DOHH: variants seen among roughly 807,000 people sequenced by gnomAD.
DOHH encodes HEAT-like (PBS lyase) repeat containing 1.
DOHH carries 16 observed loss-of-function variants against 19.9 expected under a neutral mutation model. The observed-to-expected ratio is 0.80, with a 90% CI of 0.54 to 1.22. The LOEUF (loss-of-function observed/expected upper bound fraction) is 1.22. Ranked by LOEUF, DOHH falls within the 50% of genes most tolerant of loss-of-function variation. DOHH has a pLI of 0.00. For missense variants in DOHH, 460 were observed against 460.6 expected (o/e 1.00, Z 0.01); for synonymous variants, 233 against 217.0 (o/e 1.07, Z -0.65).
At position 3,496,421 on chromosome 19, in the gene DOHH, T is replaced by A; in HGVS notation, c.274+120A>T. ...AGAGCTGCAGGTATTTACTATCTGG[T>A]GCTCTATGGGGCAGTTGACCACTCT... On this transcript the variant is annotated intron_variant, in intron 2 of 4. Coordinates refer to ENST00000427575, the MANE Select transcript of DOHH (RefSeq NM_001145165.2). The surrounding 1 kb of genome is among the most constrained non-coding windows in gnomAD (Gnocchi z 4.8). 7.1e-7 allele frequency: 1 copy of A among 1,412,470 alleles called. No individual in the cohort carries two copies. Among genetic ancestry groups the A allele is most frequent in the Admixed American group, 2.0e-5 (1 of 49,538 alleles). 87.5% of individuals were successfully genotyped at this position (1,412,470 alleles called of 1,614,324 possible). A position where few individuals can be genotyped will look rare whatever the true frequency, so the allele number is the denominator to read the frequency against.
chr19:3,496,406 G>A lies in DOHH; in HGVS notation c.274+135C>T, dbSNP rs1456554207. On this transcript the variant is annotated intron_variant, in intron 2 of 4. Coordinates refer to ENST00000427575, the MANE Select transcript of DOHH (RefSeq NM_001145165.2). This position sits in a 1 kb window ranked among gnomAD's most constrained non-coding sequence, Gnocchi z 4.8. ...TCGCTGTCTGGCTGCAGAGCTGCAGGTATTTACTATCTGGTGCTCTATGGG... is the reference window on the plus strand; with the variant it reads ...TCGCTGTCTGGCTGCAGAGCTGCAGATATTTACTATCTGGTGCTCTATGGG... 2.3e-6 allele frequency: 3 copies of A among 1,304,526 alleles called. No individual in the cohort carries two copies. The highest frequency in any genetic ancestry group is 3.2e-6 in the Non-Finnish European group (3 of 949,822). 80.8% of individuals were successfully genotyped at this position (1,304,526 alleles called of 1,614,324 possible).
chr19:3,494,945 C>A (rs1213355415), intron 2 of DOHH, among the ~76,000 whole-genome samples: 1 of 152,082 alleles, frequency 6.6e-6, no homozygotes, highest in Non-Finnish European at 1.5e-5. Context: ...CACTGGTCTC[C>A]TTCGCTGTCT....
Position 3,500,337 on chromosome 19 carries a change from T to C in DOHH, c.-73+224A>G, listed in dbSNP as rs192297964. 1.4e-3 allele frequency among the ~76,000 whole-genome samples: 210 copies of C among 152,190 alleles called. 3 individuals carry two copies. The highest frequency in any genetic ancestry group is 4.6e-3 in the African/African-American group (190 of 41,532). ...CGAGCTGGCAGGGCACTGGGGACCA[T>C]TGAGACCCAACCGTACGACATAGGA... On this transcript the variant is annotated intron_variant, in intron 1 of 4. Transcript: ENST00000427575.
intron 3 of DOHH, among the ~76,000 whole-genome samples, chr19:3,493,343 GC>G (rs2082884709): frequency 2.0e-5 from 3 of 152,172 alleles, no homozygotes; most frequent in Admixed American, 2.0e-4. Flanking sequence ...AGGCGCGGTG[GC>G]TCACGCCTGT....
chr19:3,498,580 T>C (rs2082927062), intron 1 of DOHH, among the ~76,000 whole-genome samples: 1 of 152,052 alleles, frequency 6.6e-6, no homozygotes, highest in Non-Finnish European at 1.5e-5. Context: ...TAATTTTGTA[T>C]TTTTAGTAGA....
In DOHH at chr19:3,496,464, T is replaced by G; in HGVS notation, c.274+77A>C. 1.9e-6 allele frequency: 3 copies of G among 1,544,838 alleles called. No homozygotes were observed. Among genetic ancestry groups the G allele is most frequent in the Non-Finnish European group, 2.6e-6 (3 of 1,145,644 alleles). ...ACCACTCTGATATTTATCACCTGAGTGAGGAAGGGGACACGTGGGGTCATG... is the reference window on the plus strand; with the variant it reads ...ACCACTCTGATATTTATCACCTGAGGGAGGAAGGGGACACGTGGGGTCATG... On this transcript the variant is annotated intron_variant, in intron 2 of 4. Transcript: ENST00000427575. The surrounding 1 kb of genome is among the most constrained non-coding windows in gnomAD (Gnocchi z 4.8).
Position 3,491,651 on chromosome 19 carries a change from G to A in DOHH, c.750C>T (p.Ala250=), listed in dbSNP as rs1466646749. Residue 250 remains alanine (A), a synonymous_variant, in exon 5 of 5, where the codon GCC becomes GCT. Transcript: ENST00000427575. The surrounding 1 kb of genome is among the most constrained non-coding windows in gnomAD (Gnocchi z 5.6). ...GCAGCGCGGCCAGGCAGGCGGGCCG[G>A]GCAATGGCGCCCAGGGCCTCCGCGC... ...HECAEALGAI[A]RPACLAALQA... 5.9e-6 allele frequency: 9 copies of A among 1,534,888 alleles called. No homozygotes were observed. The highest frequency in any genetic ancestry group is 1.4e-5 in the African/African-American group (1 of 72,800).
chr19:3,499,570 C>T (rs1397461864), intron 1 of DOHH, among the ~76,000 whole-genome samples: 1 of 152,188 alleles, frequency 6.6e-6, no homozygotes, highest in African/African-American at 2.4e-5. Context: ...TTCAGGAGTT[C>T]GAGACCAGCT....
intron 3 of DOHH, 123 bp from the exon 4 acceptor site, chr19:3,492,622 C>T (rs2082879650): frequency 1.2e-6 from 1 of 803,822 alleles, no homozygotes; most frequent in Non-Finnish European, 1.8e-6. Context: ...ACCCATCATT[C>T]CAGGCAGGAA....
rs969580473 is a variant in DOHH at position 3,491,805 on chromosome 19, T to G, written c.596A>C (p.His199Pro). Residue 199 changes from histidine (H) to proline (P), a missense_variant, in exon 5 of 5, where the codon CAC (histidine) becomes CCC (proline). By Grantham distance (77) the His-to-Pro change is moderately conservative (BLOSUM62 -2). Coordinates refer to ENST00000427575, the MANE Select transcript of DOHH (RefSeq NM_001145165.2). The surrounding 1 kb of genome is among the most constrained non-coding windows in gnomAD (Gnocchi z 5.6). ...GTGGCGGAAGAGGGCGCTCCCACAGTGCAGACCTGCAGGGGAGAGGGACAC... is the reference window on the plus strand; with the variant it reads ...GTGGCGGAAGAGGGCGCTCCCACAGGGCAGACCTGCAGGGGAGAGGGACAC... ...EAALALAEGL[H>P]CGSALFRHEV... 1.4e-6 allele frequency: 2 copies of G among 1,473,110 alleles called. No homozygotes were observed. Among genetic ancestry groups the G allele is most frequent in the Non-Finnish European group, 1.8e-6 (2 of 1,115,550 alleles). 91.3% of individuals were successfully genotyped at this position (1,473,110 alleles called of 1,614,324 possible).
chr19:3,493,279 TCATCTC>T (rs2082884329), intron 3 of DOHH, among the ~76,000 whole-genome samples: 2 of 145,918 alleles, frequency 1.4e-5, no homozygotes, highest in Non-Finnish European at 3.0e-5. Context: ...GAGCGGGACT[TCATCTC>T]TATAAAGAAA....
intron 3 of DOHH, 103 bp downstream of exon 3, chr19:3,493,925 A>G (rs1430637480): frequency 4.6e-6 from 5 of 1,089,974 alleles, no homozygotes; most frequent in African/African-American, 1.6e-5. Flanking sequence ...GCAACCAGAG[A>G]TGGGGAGGGT....
chr19:3,497,374 T>C (rs984873156), intron 1 of DOHH, among the ~76,000 whole-genome samples: 6 of 152,192 alleles, frequency 3.9e-5, no homozygotes, highest in African/African-American at 1.4e-4. Context: ...CCAGTGACCA[T>C]GTTGTGAGGA....
In DOHH at chr19:3,491,388, A is replaced by G; in HGVS notation, c.*104T>C. 1 of 1,242,874 alleles carries G rather than the reference A, an allele frequency of 8.0e-7. No homozygotes were observed. Among genetic ancestry groups the G allele is most frequent in the Non-Finnish European group, 1.1e-6 (1 of 908,646 alleles). The allele number at this position is 1,242,874 out of a possible 1,614,324, so 77.0% of individuals were successfully genotyped here. On this transcript the variant is annotated 3_prime_UTR_variant, in exon 5 of 5. Coordinates refer to ENST00000427575, the MANE Select transcript of DOHH (RefSeq NM_001145165.2). The surrounding 1 kb of genome is among the most constrained non-coding windows in gnomAD (Gnocchi z 5.6). ...AGCAACCATGCGCCCAGCAAGACAC[A>G]AGCGATGACACCGATTTACACACAC...
chr19:3,492,318 G>A lies in DOHH; in HGVS notation c.533C>T (p.Ala178Val). 13 of 1,543,314 alleles carry A rather than the reference G, an allele frequency of 8.4e-6. No homozygotes were observed. Among genetic ancestry groups the A allele is most frequent in the Non-Finnish European group, 1.1e-5 (13 of 1,152,774 alleles). Residue 178 changes from alanine (A) to valine (V), a missense_variant, in exon 4 of 5, where the codon GCC becomes GTC. By Grantham distance (64) the Ala-to-Val change is moderately conservative. Coordinates refer to ENST00000427575, the MANE Select transcript of DOHH (RefSeq NM_001145165.2). Reference sequence around the variant, plus strand: ...TCCCGCGTTGCGCAGGGCGAACATGGCGCGGTATCGCTCGAAGAGCGGCCG... The same window carrying A: ...TCCCGCGTTGCGCAGGGCGAACATGACGCGGTATCGCTCGAAGAGCGGCCG... ...ESRPLFERYR[A>V]MFALRNAGGE...
At chr19:3,497,461 G>A (rs1028322919) in intron 1 of DOHH, among the ~76,000 whole-genome samples, 1 of 152,158 alleles carries the variant, frequency 6.6e-6, no homozygotes, top group Non-Finnish European at 1.5e-5. Context: ...GAGAGAAGTG[G>A]GCTGGCAGCA....
intron 2 of DOHH, among the ~76,000 whole-genome samples, chr19:3,494,689 C>G (rs1170575502): frequency 1.3e-5 from 2 of 152,222 alleles, no homozygotes; most frequent in African/African-American, 2.4e-5. Flanking sequence ...GCAGATGTTC[C>G]TTGAATTTTC....
At chr19:3,494,674 T>A (rs1350377901) in intron 2 of DOHH, among the ~76,000 whole-genome samples, 1 of 152,224 alleles carries the variant, frequency 6.6e-6, no homozygotes, top group Non-Finnish European at 1.5e-5. Flanking sequence ...CGTAGAGCCC[T>A]GGGTGCAGAT....
Position 3,496,846 on chromosome 19 carries a change from C to A in DOHH, c.-32G>T, listed in dbSNP as rs769607388. 6.6e-7 allele frequency: 1 copy of A among 1,507,184 alleles called. No individual in the cohort carries two copies. Among genetic ancestry groups the A allele is most frequent in the Admixed American group, 2.2e-5 (1 of 45,782 alleles). The allele number at this position is 1,507,184 out of a possible 1,614,324, so 93.4% of individuals were successfully genotyped here. ...GTCAATGGGTCCCGGCCTTCCACAA[C>A]CCTGCTCAGGCTAAACCTGGGGACG... On this transcript the variant is annotated 5_prime_UTR_variant, in exon 2 of 5. Transcript: ENST00000427575. The surrounding 1 kb of genome is among the most constrained non-coding windows in gnomAD (Gnocchi z 4.8).
Sources: allele counts gnomAD v4.1 joint callset (sites outside exome capture counted in the v4.1 genomes callset), GRCh38; gene constraint gnomAD v4.1.1; non-coding constraint Gnocchi (gnomAD v3.1); transcripts MANE v1.5; gene names NCBI Gene and HGNC (gene_info 2026-07-23, HGNC 2026-07-21).